FHL2: variants seen among roughly 807,000 people sequenced by gnomAD.
FHL2 encodes the protein four and a half LIM domains 2.
A neutral mutation model predicts 32.7 loss-of-function variants in FHL2; 20 were observed. That is an observed-to-expected ratio of 0.61 (90% CI 0.43 to 0.89). The LOEUF is 0.89. Ranked by LOEUF, FHL2 falls within the 40% of genes least tolerant of loss-of-function variation. FHL2 has a pLI of 0.00. For missense variants in FHL2, 311 were observed against 358.6 expected (o/e 0.87, Z 1.07); for synonymous variants, 123 against 128.1 (o/e 0.96, Z 0.27).
intron 1 of FHL2, among the ~76,000 whole-genome samples, chr2:105,404,327 G>A (rs1287425308): frequency 6.6e-6 from 1 of 152,216 alleles, no homozygotes; most frequent in East Asian, 1.9e-4. Flanking sequence ...ATGGTTGGAA[G>A]GTGAGTAAGT....
chr2:105,365,571 G>T (rs1435857623), intron 5 of FHL2, among the ~76,000 whole-genome samples: 4 of 151,648 alleles, frequency 2.6e-5, no homozygotes, highest in African/African-American at 4.8e-5. Flanking sequence ...AGGGAAGAGG[G>T]TTCCTAAAAT....
upstream of FHL2, among the ~76,000 whole-genome samples, chr2:105,400,023 G>T (rs1182667855): frequency 6.6e-6 from 1 of 152,072 alleles, no homozygotes; most frequent in African/African-American, 2.4e-5. Flanking sequence ...AGGCCTCATG[G>T]GTCTCCATCA....
chr2:105,408,524 A>T (rs1573389522), intron 1 of FHL2, among the ~76,000 whole-genome samples: 1 of 152,332 alleles, frequency 6.6e-6, no homozygotes, highest in South Asian at 2.1e-4. Flanking sequence ...GTACGGCTTC[A>T]CCCAGCCAGT....
In FHL2 at chr2:105,369,789, T is replaced by C. The variant is rs562412703; in HGVS notation, c.332-2050A>G. Among the ~76,000 whole-genome samples the C allele has an allele frequency of 2.6e-5, 4 of 152,304 alleles. No individual in the cohort carries two copies. In the East Asian group the frequency reaches 7.7e-4, roughly 29 times the overall value. ...ATTTTGCCAATGAATATGGGGCAAT[T>C]ATGACTCTCATGGCATTCTTGTCGA... On this transcript the variant is annotated intron_variant, in intron 4 of 6. Coordinates refer to ENST00000530340, the MANE Select transcript of FHL2 (RefSeq NM_001318895.3).
intron 4 of FHL2, among the ~76,000 whole-genome samples, chr2:105,368,684 C>T (rs899396491): frequency 5.3e-5 from 8 of 152,192 alleles, no homozygotes. Context: ...TGCAAGTGCT[C>T]GGTGTCTGTT....
chr2:105,419,219 AT>A (rs1684026759), intron 1 of FHL2, among the ~76,000 whole-genome samples: 1 of 152,036 alleles, frequency 6.6e-6, no homozygotes, highest in African/African-American at 2.4e-5. Flanking sequence ...AAATTTTTTT[AT>A]TTTCATAGGT....
chr2:105,430,590 C>A (rs745851699), intron 1 of FHL2, among the ~76,000 whole-genome samples: 1 of 152,156 alleles, frequency 6.6e-6, no homozygotes, highest in Non-Finnish European at 1.5e-5. Context: ...ATCGCTTGAC[C>A]CTGGGAGGTA....
chr2:105,413,170 C>A (rs1683845120), intron 1 of FHL2, among the ~76,000 whole-genome samples: 2 of 152,070 alleles, frequency 1.3e-5, no homozygotes, highest in African/African-American at 4.8e-5. Flanking sequence ...CTCTCATGAC[C>A]CATCTTCATA....
At chr2:105,401,414 G>A (rs1024650255), upstream of FHL2, among the ~76,000 whole-genome samples, 1 of 152,164 alleles carries the variant, frequency 6.6e-6, no homozygotes, top group African/African-American at 2.4e-5. Context: ...TGATGGATAT[G>A]CAGCAGTTCA....
chr2:105,401,064 C>CTTTTTTTTT, upstream of FHL2, among the ~76,000 whole-genome samples: 1 of 125,536 alleles, frequency 8.0e-6, no homozygotes, highest in Non-Finnish European at 1.7e-5. Context: ...TTATTGGATT[C>CTTTTTTTTT]TTTTTTTTTT....
At position 105,421,847 on chromosome 2, in the gene FHL2, G is replaced by T. The variant is rs138218723; in HGVS notation, c.-25+16552C>A. 7.6e-3 allele frequency among the ~76,000 whole-genome samples: 1,153 copies of T among 152,356 alleles called. 14 individuals are homozygous for T. The highest frequency in any genetic ancestry group is 0.026 in the African/African-American group (1,085 of 41,580). On this transcript the variant is annotated intron_variant, in intron 1 of 5. Transcript: ENST00000393352. ...TTGCAATGCAGTCTCTGCCATCAGG[G>T]ACTCAACATTCTAGGATTTAGTTTT...
chr2:105,425,610 C>T (rs1328859249), intron 1 of FHL2, among the ~76,000 whole-genome samples: 4 of 152,042 alleles, frequency 2.6e-5, no homozygotes, highest in Non-Finnish European at 4.4e-5. Context: ...ATTTGTTCAA[C>T]TCTGAGATAG....
chr2:105,419,353 C>T (rs1256985053), intron 1 of FHL2, among the ~76,000 whole-genome samples: 1 of 152,220 alleles, frequency 6.6e-6, no homozygotes, highest in African/African-American at 2.4e-5. Flanking sequence ...TTATCCCTCA[C>T]CCCCTTCCCA....
At chr2:105,423,085 T>C (rs1047070193) in intron 1 of FHL2, among the ~76,000 whole-genome samples, 1 of 152,120 alleles carries the variant, frequency 6.6e-6, no homozygotes. Flanking sequence ...AAGCGTCAGG[T>C]CCCTGGGGCA....
At chr2:105,399,417 C>T (rs1169069568), upstream of FHL2, 16 of 1,536,034 alleles carry the variant, frequency 1.0e-5, no homozygotes, top group Admixed American at 2.0e-5. Flanking sequence ...CAGGACGTGC[C>T]GGGGGAGGCG....
At chr2:105,422,214 C>T (rs1684125321) in intron 1 of FHL2, among the ~76,000 whole-genome samples, 1 of 152,172 alleles carries the variant, frequency 6.6e-6, no homozygotes, top group East Asian at 1.9e-4. Context: ...AACTTGTTTG[C>T]TTTTATGCTT....
chr2:105,383,728 G>GA (rs1286328045), intron 3 of FHL2, among the ~76,000 whole-genome samples: 4 of 151,990 alleles, frequency 2.6e-5, no homozygotes, highest in African/African-American at 7.2e-5. Context: ...TTTACTTCCA[G>GA]AAAAAAACAG....
downstream of FHL2, chr2:105,359,003 T>C (rs1034087236): frequency 6.6e-6 from 1 of 152,230 alleles, no homozygotes; most frequent in Non-Finnish European, 1.5e-5. Context: ...GGGCCTGCCA[T>C]TGGATAAAAG....
At position 105,373,635 on chromosome 2, in the gene FHL2, G is replaced by A. The variant is rs778313419; in HGVS notation, c.255C>T (p.Asp85=). 1 of 1,614,220 alleles carries A rather than the reference G, an allele frequency of 6.2e-7. No individual in the cohort carries two copies. The highest frequency in any genetic ancestry group is 1.3e-5 in the African/African-American group (1 of 75,048). The change falls in exon 4 of 7, where the codon GAC becomes GAT. Residue 85 remains aspartate (D), a synonymous_variant. Transcript: ENST00000530340. Reference sequence around the variant, plus strand: ...AATAGCAGTCTGTACAGAGCAGCTGGTCCTCCTTGGCAGCAAAGGGCTTGT... The same window carrying A: ...AATAGCAGTCTGTACAGAGCAGCTGATCCTCCTTGGCAGCAAAGGGCTTGT... ...LVDKPFAAKE[D]QLLCTDCYSN... is the part of the protein sequence containing the mutation.
Sources: gnomAD v4.1 joint callset for allele counts (sites outside exome capture counted in the v4.1 genomes callset) on GRCh38, gnomAD v4.1.1 for gene constraint, MANE v1.5 for transcripts, NCBI Gene and HGNC (gene_info 2026-07-23, HGNC 2026-07-21) for gene names.